The following AGBL1 variants were observed in gnomAD, a reference collection of about 807,000 sequenced individuals.
The protein encoded by AGBL1 is AGBL carboxypeptidase 1.
Under a neutral mutation model 118.9 loss-of-function variants are expected in AGBL1, and 130 were observed. That is an observed-to-expected ratio of 1.09 (90% CI 0.95 to 1.26). AGBL1 has a LOEUF of 1.26. AGBL1 is among the 50% of genes most tolerant of loss of function. AGBL1 has a pLI of 0.00. For synonymous variants in AGBL1, 555 were observed against 478.9 expected (o/e 1.16, Z -2.08); for missense variants, 1,584 against 1,298.1 (o/e 1.22, Z -3.38).
chr15:86,495,800 AGGTTTTTTGAT>A (rs1484803349), intron 18 of AGBL1, among the ~76,000 whole-genome samples: 2 of 151,888 alleles, frequency 1.3e-5, no homozygotes, highest in East Asian at 3.9e-4. Context: ...TTTAAGATCA[AGGTTTTTTGAT>A]GTATTATGTA....
chr15:86,197,719 A>T (rs966371761), intron 5 of AGBL1, among the ~76,000 whole-genome samples: 8 of 152,222 alleles, frequency 5.3e-5, no homozygotes, highest in African/African-American at 1.4e-4. Context: ...TAAAGAGAAC[A>T]CTAAGAGTAT....
intron 21 of AGBL1, among the ~76,000 whole-genome samples, chr15:86,559,149 A>T (rs1205678564): frequency 6.6e-6 from 1 of 152,138 alleles, no homozygotes; most frequent in Non-Finnish European, 1.5e-5. Context: ...TTCTTCTTAT[A>T]AGGACACCAG....
intron 23 of AGBL1, among the ~76,000 whole-genome samples, chr15:86,950,446 T>C (rs1159935220): frequency 6.6e-6 from 1 of 150,894 alleles, no homozygotes; most frequent in Non-Finnish European, 1.5e-5. Flanking sequence ...TCATAGATTT[T>C]ACATATACAA....
chr15:87,024,817 G>A (rs1233498258), intron 24 of AGBL1, among the ~76,000 whole-genome samples: 4 of 151,258 alleles, frequency 2.6e-5, no homozygotes, highest in Non-Finnish European at 5.9e-5. Context: ...CAAGGATGCA[G>A]GGTTTAGCAT....
intron 9 of AGBL1, among the ~76,000 whole-genome samples, chr15:86,258,953 C>T (rs1344372742): frequency 6.6e-6 from 1 of 152,222 alleles, no homozygotes; most frequent in Admixed American, 6.5e-5. Context: ...GGTCTGCCCG[C>T]CTCAGCCTCC....
At chr15:86,184,429 CTTTCTT>C (rs1340219621) in intron 5 of AGBL1, among the ~76,000 whole-genome samples, 2 of 144,454 alleles carry the variant, frequency 1.4e-5, no homozygotes, top group African/African-American at 2.5e-5. Context: ...TTTCTTTTTT[CTTTCTT>C]TTTTTTTTTT....
chr15:86,482,322 A>T (rs926956876), intron 18 of AGBL1, among the ~76,000 whole-genome samples: 1 of 152,126 alleles, frequency 6.6e-6, no homozygotes, highest in African/African-American at 2.4e-5. Context: ...GTTATTAATT[A>T]TTGTTATTAT....
intron 5 of AGBL1, among the ~76,000 whole-genome samples, chr15:86,218,654 T>C (rs898898818): frequency 6.6e-6 from 1 of 152,158 alleles, no homozygotes. Context: ...ACTTTCCTCA[T>C]TGATGAAGTA....
intron 21 of AGBL1, among the ~76,000 whole-genome samples, chr15:86,641,454 T>C (rs2085190080): frequency 6.6e-6 from 1 of 152,064 alleles, no homozygotes; most frequent in East Asian, 1.9e-4. Context: ...GCAGCCCCCA[T>C]GAGAACTCCC....
intron 21 of AGBL1, among the ~76,000 whole-genome samples, chr15:86,640,512 CTG>C (rs1270103570): frequency 6.6e-6 from 1 of 152,000 alleles, no homozygotes; most frequent in Non-Finnish European, 1.5e-5. Context: ...TTATGTGTTG[CTG>C]TGTTTATAGT....
intron 6 of AGBL1, among the ~76,000 whole-genome samples, chr15:86,225,474 T>C (rs2078347087): frequency 6.6e-6 from 1 of 152,180 alleles, no homozygotes; most frequent in African/African-American, 2.4e-5. Context: ...ATGATGCTGA[T>C]AACAAATTTA....
intron 22 of AGBL1, among the ~76,000 whole-genome samples, chr15:86,786,319 T>G (rs2078412575): frequency 6.6e-6 from 1 of 151,938 alleles, no homozygotes; most frequent in Non-Finnish European, 1.5e-5. Flanking sequence ...GGACTAACAC[T>G]TGTGTCAAAG....
chr15:86,079,759 C>G (rs1290086117), upstream of AGBL1: 6 of 380,116 alleles, frequency 1.6e-5, no homozygotes, highest in Non-Finnish European at 2.8e-5. Context: ...ACAGCAGGGG[C>G]TCACCTAATC....
At chr15:86,567,044 A>T (rs756975443) in intron 21 of AGBL1, among the ~76,000 whole-genome samples, 34 of 152,090 alleles carry the variant, frequency 2.2e-4, no homozygotes, top group Non-Finnish European at 4.1e-4. Flanking sequence ...CATAGTAAAA[A>T]CTCAATACAT....
chr15:86,750,150 G>C (rs1438277999), intron 22 of AGBL1, among the ~76,000 whole-genome samples: 1 of 151,864 alleles, frequency 6.6e-6, no homozygotes. Flanking sequence ...CTGCAGAAAA[G>C]TTTTCTAGTC....
At chr15:86,730,896 C>T (rs1284626839) in intron 22 of AGBL1, among the ~76,000 whole-genome samples, 5 of 152,124 alleles carry the variant, frequency 3.3e-5, no homozygotes, top group Admixed American at 2.0e-4. Context: ...GGCATGATCT[C>T]GGCTCACTGA....
chr15:86,682,310 G>A (rs867603195), intron 22 of AGBL1, among the ~76,000 whole-genome samples: 2 of 152,112 alleles, frequency 1.3e-5, no homozygotes, highest in Non-Finnish European at 1.5e-5. Flanking sequence ...CTAATTTTAG[G>A]CTGGGAAAAC....
intron 21 of AGBL1, among the ~76,000 whole-genome samples, chr15:86,606,825 A>C (rs1053554324): frequency 5.3e-5 from 8 of 152,180 alleles, no homozygotes; most frequent in African/African-American, 1.9e-4. Context: ...ATTACTAACC[A>C]AAGTCCATAG....
chr15:86,534,077 C>T (rs1034377343), intron 19 of AGBL1, among the ~76,000 whole-genome samples: 1 of 99,280 alleles, frequency 1.0e-5, no homozygotes, highest in Non-Finnish European at 1.9e-5. Flanking sequence ...CTAACCTGCA[C>T]AATGTGCACA....
Sources: allele counts gnomAD v4.1 joint callset (sites outside exome capture counted in the v4.1 genomes callset), GRCh38; gene constraint gnomAD v4.1.1; transcripts MANE v1.5; gene names NCBI Gene and HGNC (gene_info 2026-07-23, HGNC 2026-07-21).